The following CCDC138 variants were observed in gnomAD, a reference collection of about 807,000 sequenced individuals.
The protein encoded by CCDC138 is coiled-coil domain containing 138, also known as coiled-coil domain-containing protein 138.
In CCDC138, 66 loss-of-function variants were observed where a neutral mutation model predicts 82.3. The ratio of observed to expected loss-of-function variants is 0.80; its 90% CI spans 0.66 to 0.98. The LOEUF (loss-of-function observed/expected upper bound fraction) is 0.98, where lower values mean the gene tolerates loss of function less well. CCDC138 is among the 50% of genes least tolerant of loss of function. The pLI is 0.00. For missense variants in CCDC138, 816 were observed against 758.9 expected (o/e 1.08, Z -0.88); for synonymous variants, 297 against 265.4 (o/e 1.12, Z -1.16).
rs1558651092 is a variant in CCDC138 at position 108,809,451 on chromosome 2, TGTG to T, written c.856-3179_856-3177del. 7.5e-3 allele frequency among the ~76,000 whole-genome samples: 195 copies of T among 25,954 alleles called. 1 individual carries two copies. Among genetic ancestry groups the T allele is most frequent in the Middle Eastern group, 0.016 (1 of 62 alleles). The allele number at this position is 25,954 out of a possible 152,430, so 17.0% of individuals were successfully genotyped here. A position where few individuals can be genotyped will look rare whatever the true frequency, so the allele number is the denominator to read the frequency against. On this transcript the variant is annotated intron_variant, in intron 7 of 14. Transcript: ENST00000295124. ...TCCAGTCCATGAACATGAAATGTTG[TGTG>T]TGTGTGTGTGTGTGTGTGTGTGTGT...
chr2:108,860,366 A>G (rs1693352966), intron 13 of CCDC138, among the ~76,000 whole-genome samples: 1 of 152,086 alleles, frequency 6.6e-6, no homozygotes, highest in African/African-American at 2.4e-5. Flanking sequence ...GGACTTTAGT[A>G]CTTTGTTGAA....
At chr2:108,849,836 C>G (rs982355217) in intron 12 of CCDC138, among the ~76,000 whole-genome samples, 2 of 152,196 alleles carry the variant, frequency 1.3e-5, no homozygotes, top group Admixed American at 1.3e-4. Context: ...AAGGTACATG[C>G]TGCTGCCATC....
chr2:108,793,796 A>G lies in CCDC138; in HGVS notation c.395-744A>G, dbSNP rs936603667. The stretch of plus-strand genomic sequence containing the variant: ...TTTTTGTATTTTTAGTAGAGACGGG[A>G]TTTCACCGTGTTAGCCAGGATGGTC... On this transcript the variant is annotated intron_variant, in intron 4 of 14. Coordinates refer to ENST00000295124, the MANE Select transcript of CCDC138 (RefSeq NM_144978.3). Among the ~76,000 whole-genome samples, 518 of 150,240 alleles carry G rather than the reference A, an allele frequency of 3.4e-3. 4 individuals are homozygous for G. Among genetic ancestry groups the G allele is most frequent in the African/African-American group, 0.012 (500 of 40,826 alleles).
chr2:108,865,191 A>G (rs1386391229), intron 13 of CCDC138, among the ~76,000 whole-genome samples: 3 of 152,148 alleles, frequency 2.0e-5, no homozygotes, highest in African/African-American at 7.2e-5. Flanking sequence ...AAGATCTTAT[A>G]TAAATGCATA....
At chr2:108,870,206 A>T (rs143873877) in intron 13 of CCDC138, among the ~76,000 whole-genome samples, 1 of 152,258 alleles carries the variant, frequency 6.6e-6, no homozygotes, top group Admixed American at 6.5e-5. Context: ...TGGAAAATAC[A>T]GTAGCTGAAT....
At position 108,843,894 on chromosome 2, in the gene CCDC138, T is replaced by G. The variant is rs935070696; in HGVS notation, c.1324-2844T>G. ...TGTGTGTGTGTTTCTTTCTTTTTTT[T>G]TTTTTTTTTTTTTTGAGACAGGGTC... On this transcript the variant is annotated intron_variant, in intron 11 of 14. Transcript: ENST00000295124. Among the ~76,000 whole-genome samples the G allele has an allele frequency of 9.4e-5, 13 of 138,710 alleles. No homozygotes were observed. The South Asian group carries it at 3.1e-3, about 34-fold the overall frequency. 91.0% of individuals were successfully genotyped at this position (138,710 alleles called of 152,430 possible). A position where few individuals can be genotyped will look rare whatever the true frequency, so the allele number is the denominator to read the frequency against.
At position 108,876,284 on chromosome 2, in the gene CCDC138, G is replaced by A. The variant is rs752941969; in HGVS notation, c.*31G>A. Reference sequence around the variant, plus strand: ...CTAATTTTTTAATATAGTATATGTGGTGCTTATTTATAAACATGTAGAAAT... The same window carrying A: ...CTAATTTTTTAATATAGTATATGTGATGCTTATTTATAAACATGTAGAAAT... On this transcript the variant is annotated 3_prime_UTR_variant, in exon 15 of 15. Transcript: ENST00000295124. 1 of 1,271,222 alleles carries A rather than the reference G, an allele frequency of 7.9e-7. No individual in the cohort carries two copies. Among genetic ancestry groups the A allele is most frequent in the South Asian group, 1.8e-5 (1 of 56,290 alleles). 78.7% of individuals were successfully genotyped at this position (1,271,222 alleles called of 1,614,324 possible).
At chr2:108,793,415 C>A (rs1680275389) in intron 4 of CCDC138, among the ~76,000 whole-genome samples, 1 of 152,030 alleles carries the variant, frequency 6.6e-6, no homozygotes, top group African/African-American at 2.4e-5. Flanking sequence ...TAAATTCTGA[C>A]AGTATAGTGC....
intron 13 of CCDC138, among the ~76,000 whole-genome samples, chr2:108,862,841 A>G (rs1693848272): frequency 6.6e-6 from 1 of 152,050 alleles, no homozygotes; most frequent in Non-Finnish European, 1.5e-5. Context: ...ACAGTTGCAT[A>G]TTTGCAGGTA....
downstream of CCDC138, among the ~76,000 whole-genome samples, chr2:108,879,629 T>C (rs58231193): frequency 7.9e-3 from 1,207 of 152,308 alleles, 14 homozygotes; most frequent in African/African-American, 0.027. Flanking sequence ...AAGTTTTTAG[T>C]ATATTATTAT....
At chr2:108,863,539 A>G (rs1693945816) in intron 13 of CCDC138, among the ~76,000 whole-genome samples, 1 of 152,216 alleles carries the variant, frequency 6.6e-6, no homozygotes, top group South Asian at 2.1e-4. Flanking sequence ...TTTGTTGGGC[A>G]TCATCAAGAC....
chr2:108,786,995 G>T (rs1238100629), intron 1 of CCDC138, 80 bp downstream of exon 1: 5 of 993,098 alleles, frequency 5.0e-6, no homozygotes, highest in African/African-American at 3.5e-5. Flanking sequence ...CAGCCGGCCT[G>T]GGGGCGCGCA....
chr2:108,856,893 T>G lies in CCDC138; in HGVS notation c.1616T>G (p.Leu539Ter). The G allele has an allele frequency of 6.2e-7, 1 of 1,613,198 alleles. No individual in the cohort carries two copies. The highest frequency in any genetic ancestry group is 1.1e-5 in the South Asian group (1 of 91,008). ...FLEYQAVPVI[L>*]SHLRISSKGL... ...GAGTATCAGGCTGTTCCAGTAATATTAAGTCATCTAAGAATATCCAGTAAA... is the reference window on the plus strand; with the variant it reads ...GAGTATCAGGCTGTTCCAGTAATATGAAGTCATCTAAGAATATCCAGTAAA... Residue 539 changes from leucine to a stop codon, truncating the protein, a stop_gained, in exon 13 of 15, where the codon TTA becomes TGA. Coordinates refer to ENST00000295124, the MANE Select transcript of CCDC138 (RefSeq NM_144978.3). LOFTEE classifies it high-confidence loss of function.
intron 11 of CCDC138, among the ~76,000 whole-genome samples, chr2:108,843,891 T>C (rs1319728803): frequency 4.2e-5 from 6 of 141,574 alleles, no homozygotes; most frequent in South Asian, 4.7e-4. Context: ...TCTTTCTTTT[T>C]TTTTTTTTTT....
At chr2:108,836,082 G>A (rs114801583) in intron 10 of CCDC138, among the ~76,000 whole-genome samples, 196 of 152,236 alleles carry the variant, frequency 1.3e-3, no homozygotes, top group African/African-American at 4.3e-3. Context: ...TCTCAACACT[G>A]ATGTTTTGGG....
rs1380348054 is a variant in CCDC138, at chr2:108,846,842, T to C, written c.1428T>C (p.Asn476=). The change falls in exon 12 of 15, where the codon AAT becomes AAC. Residue 476 remains asparagine (N), a synonymous_variant. Transcript: ENST00000295124. ...QDNSPQHSVE[N]KPKTAAFFKS... is the part of the protein sequence containing the mutation. ...ATTCTCCACAGCATTCTGTGGAGAA[T>C]AAACCAAAGACAGCTGCTTTCTTTA... is the stretch of plus-strand genomic sequence containing the variant. 3 of 1,613,546 alleles carry C rather than the reference T, an allele frequency of 1.9e-6. No homozygotes were observed. The highest frequency in any genetic ancestry group is 1.7e-6 in the Non-Finnish European group (2 of 1,179,742).
chr2:108,786,915 G>T lies in CCDC138; in HGVS notation c.93G>T (p.Glu31Asp), dbSNP rs769347069. The change falls in exon 1 of 15, where the codon GAG (glutamate) becomes GAT (aspartate). Residue 31 changes from glutamate (E) to aspartate (D), a missense_variant and splice_region_variant. By Grantham distance (45) the Glu-to-Asp change is conservative. Coordinates refer to ENST00000295124, the MANE Select transcript of CCDC138 (RefSeq NM_144978.3). Reference sequence around the variant, plus strand: ...GACTCGGGGGCAGCTGCCCCGACGAGGTGAAGCCGCCGCCTGAGGTCCGCG... The same window carrying T: ...GACTCGGGGGCAGCTGCCCCGACGATGTGAAGCCGCCGCCTGAGGTCCGCG... ...RYGLGGSCPD[E>D]YDFSNFYQSK... is the part of the protein sequence containing the mutation. The T allele has an allele frequency of 9.2e-6, 14 of 1,525,286 alleles. No homozygotes were observed. Among genetic ancestry groups the T allele is most frequent in the Middle Eastern group, 2.0e-4 (1 of 4,940 alleles). The allele number at this position is 1,525,286 out of a possible 1,614,324, so 94.5% of individuals were successfully genotyped here.
intron 11 of CCDC138, among the ~76,000 whole-genome samples, chr2:108,843,552 A>G (rs1404247749): frequency 6.6e-6 from 1 of 152,190 alleles, no homozygotes; most frequent in Non-Finnish European, 1.5e-5. Context: ...TGGGTATCAG[A>G]TTCTAGTGTG....
At chr2:108,879,414 A>G (rs571508448), downstream of CCDC138, among the ~76,000 whole-genome samples, 4 of 152,212 alleles carry the variant, frequency 2.6e-5, no homozygotes, top group Admixed American at 2.6e-4. Flanking sequence ...AAATCATCCA[A>G]ATTCATTTTA....
Sources: gnomAD v4.1 joint callset for allele counts (sites outside exome capture counted in the v4.1 genomes callset) on GRCh38, gnomAD v4.1.1 for gene constraint, MANE v1.5 for transcripts, NCBI Gene and HGNC (gene_info 2026-07-23, HGNC 2026-07-21) for gene names.